The following LARP4 variants were observed in gnomAD, a reference collection of about 807,000 sequenced individuals.
LARP4 encodes the protein La ribonucleoprotein 4.
In LARP4, 29 loss-of-function variants were observed where a neutral mutation model predicts 92.9. That is an observed-to-expected ratio of 0.31 (90% CI 0.23 to 0.43). The LOEUF (loss-of-function observed/expected upper bound fraction) is 0.43, where lower values mean the gene tolerates loss of function less well. Ranked by LOEUF, LARP4 falls within the 20% of genes least tolerant of loss-of-function variation. The pLI is 1.00. For missense variants in LARP4, 732 were observed against 860.0 expected (o/e 0.85, Z 1.86); for synonymous variants, 279 against 284.1 (o/e 0.98, Z 0.18).
intron 1 of LARP4, among the ~76,000 whole-genome samples, chr12:50,419,776 A>G (rs1947433256): frequency 6.6e-6 from 1 of 152,086 alleles, no homozygotes; most frequent in South Asian, 2.1e-4. Context: ...GTGGTGGCTC[A>G]AACCTGTAGT....
intron 10 of LARP4, among the ~76,000 whole-genome samples, chr12:50,459,294 C>T (rs894329673): frequency 3.9e-5 from 6 of 152,048 alleles, no homozygotes; most frequent in South Asian, 2.1e-4. Context: ...CCACCATGCC[C>T]GGCTGAGGCT....
At chr12:50,416,788 A>T (rs1190312837) in intron 1 of LARP4, among the ~76,000 whole-genome samples, 2 of 151,444 alleles carry the variant, frequency 1.3e-5, no homozygotes, top group African/African-American at 4.9e-5. Context: ...ACCAGCCTGC[A>T]CAACATGATG....
chr12:50,449,095 T>C (rs994713927), intron 8 of LARP4, among the ~76,000 whole-genome samples: 27 of 151,842 alleles, frequency 1.8e-4, no homozygotes, highest in African/African-American at 5.3e-4. Context: ...CAAAAATATT[T>C]AGCCAGGCTT....
intron 6 of LARP4, among the ~76,000 whole-genome samples, chr12:50,439,070 T>A (rs545159600): frequency 6.6e-6 from 1 of 152,330 alleles, no homozygotes; most frequent in East Asian, 1.9e-4. Flanking sequence ...CCTGAGTAGT[T>A]GGGACTACTG....
intron 2 of LARP4, 84 bp downstream of exon 2, chr12:50,427,993 C>CAT: frequency 3.3e-6 from 1 of 305,830 alleles, no homozygotes; most frequent in Non-Finnish European, 5.3e-6. Flanking sequence ...AGACACATCT[C>CAT]TTTTTTTTTT....
chr12:50,419,820 G>C (rs376322619), intron 1 of LARP4, among the ~76,000 whole-genome samples: 2 of 152,126 alleles, frequency 1.3e-5, no homozygotes, highest in East Asian at 3.9e-4. Flanking sequence ...TGGGATGATT[G>C]CTTGAGCCCA....
At chr12:50,461,427 A>G (rs1282761001) in intron 11 of LARP4, 80 bp downstream of exon 11, 8 of 1,242,266 alleles carry the variant, frequency 6.4e-6, no homozygotes, top group Non-Finnish European at 8.0e-6. Flanking sequence ...CTTCATAATA[A>G]TTAAATGAGC....
intron 15 of LARP4, 85 bp downstream of exon 15, chr12:50,474,252 A>C: frequency 9.1e-7 from 1 of 1,104,746 alleles, no homozygotes; most frequent in Non-Finnish European, 1.3e-6. Flanking sequence ...TTGTTAGAAC[A>C]GAGTCATTTG....
Position 50,462,803 on chromosome 12 carries a change from C to T in LARP4, c.1383+173C>T, listed in dbSNP as rs140985509. 2.9e-3 allele frequency among the ~76,000 whole-genome samples: 436 copies of T among 152,234 alleles called. 2 individuals are homozygous for T. The highest frequency in any genetic ancestry group is 0.01 in the African/African-American group (417 of 41,546). On this transcript the variant is annotated intron_variant, in intron 12 of 15. Transcript: ENST00000398473. ...TTTACCACCACCACCCATATACCCA[C>T]CCTCTAGCACACATGTAGTAAGGAG...
intron 13 of LARP4, among the ~76,000 whole-genome samples, chr12:50,470,503 G>T (rs930664384): frequency 6.6e-6 from 1 of 150,960 alleles, no homozygotes; most frequent in Non-Finnish European, 1.5e-5. Context: ...GCGCGATCTC[G>T]GCTCACTGCA....
intron 13 of LARP4, among the ~76,000 whole-genome samples, chr12:50,471,582 G>A (rs990434653): frequency 3.3e-5 from 5 of 152,124 alleles, no homozygotes; most frequent in African/African-American, 1.2e-4. Flanking sequence ...GGAGTGCAGC[G>A]GCATGGTTTT....
intron 8 of LARP4, among the ~76,000 whole-genome samples, chr12:50,445,988 C>A (rs924888840): frequency 4.1e-5 from 6 of 146,502 alleles, no homozygotes; most frequent in Non-Finnish European, 6.0e-5. Flanking sequence ...TTGCCGTTTT[C>A]TTTTTTTCTT....
At chr12:50,427,461 T>C (rs895385961) in intron 1 of LARP4, among the ~76,000 whole-genome samples, 1 of 151,950 alleles carries the variant, frequency 6.6e-6, no homozygotes, top group Non-Finnish European at 1.5e-5. Flanking sequence ...CCTGGGCTTA[T>C]GTGATCCTCC....
intron 1 of LARP4, among the ~76,000 whole-genome samples, chr12:50,417,052 T>C (rs1190501509): frequency 2.0e-5 from 3 of 152,178 alleles, no homozygotes; most frequent in Non-Finnish European, 4.4e-5. Flanking sequence ...GAGATACTTT[T>C]GGTACAGCAA....
Position 50,461,326 on chromosome 12 carries a change from A to T in LARP4, c.1313A>T (p.Asn438Ile), listed in dbSNP as rs201082833. The part of the protein sequence containing the change: ...KETSTLQVEQ[N>I]GDYGRGRRTL... ...ACTTCCACTTTGCAGGTGGAACAGAATGGGGACTATGGTAGGGGCAGGTAA... is the reference window on the plus strand; with the variant it reads ...ACTTCCACTTTGCAGGTGGAACAGATTGGGGACTATGGTAGGGGCAGGTAA... Residue 438 changes from asparagine to isoleucine, a missense_variant, in exon 11 of 16, where the codon AAT becomes ATT. Physicochemically the swap from Asn to Ile is moderately radical, Grantham distance 149. Around this residue, in one of 7 missense-constraint regions of LARP4, gnomAD observed 264 missense variants for 269.5 expected, o/e 0.98. Transcript: ENST00000398473. 2 of 1,614,024 alleles carry T rather than the reference A, an allele frequency of 1.2e-6. No homozygotes were observed. Among genetic ancestry groups the T allele is most frequent in the African/African-American group, 1.3e-5 (1 of 75,048 alleles).
chr12:50,428,706 T>C (rs1949187767), intron 2 of LARP4, among the ~76,000 whole-genome samples: 2 of 152,234 alleles, frequency 1.3e-5, no homozygotes, highest in African/African-American at 4.8e-5. Context: ...AGTAGTCTGA[T>C]ACATGGATAA....
intron 15 of LARP4, 26 bp downstream of exon 15, chr12:50,474,193 T>TA (rs763464942): frequency 5.4e-5 from 82 of 1,509,948 alleles, no homozygotes; most frequent in East Asian, 6.9e-5. Context: ...TAGTTTATGT[T>TA]AAAAAAAATA....
At chr12:50,416,703 A>G (rs1349434061) in intron 1 of LARP4, among the ~76,000 whole-genome samples, 1 of 152,004 alleles carries the variant, frequency 6.6e-6, no homozygotes, top group Non-Finnish European at 1.5e-5. Flanking sequence ...TTACCTTTCA[A>G]TGTGGGCATG....
At chr12:50,447,864 C>A (rs1051634834) in intron 8 of LARP4, among the ~76,000 whole-genome samples, 2 of 151,894 alleles carry the variant, frequency 1.3e-5, no homozygotes, top group Admixed American at 6.6e-5. Flanking sequence ...CCACTCCCCC[C>A]CCATTTTTTT....
Sources: gnomAD v4.1 joint callset for allele counts (sites outside exome capture counted in the v4.1 genomes callset) on GRCh38, gnomAD v4.1.1 for gene constraint, gnomAD v4.1.1 regional missense constraint, MANE v1.5 for transcripts, NCBI Gene and HGNC (gene_info 2026-07-23, HGNC 2026-07-21) for gene names.